Variants in CNN3 observed in about 807,000 individuals in gnomAD.
The protein encoded by CNN3 is calponin-3.
In CNN3, 11 loss-of-function variants were observed where a neutral mutation model predicts 39.0. That is an observed-to-expected ratio of 0.28 (90% confidence interval 0.18 to 0.47). The LOEUF is 0.47. Ranked by LOEUF, CNN3 falls within the 20% of genes least tolerant of loss-of-function variation. The pLI is 0.99. For synonymous variants in CNN3, 101 were observed against 138.3 expected (o/e 0.73, Z 1.89); for missense variants, 266 against 403.4 (o/e 0.66, Z 2.92).
chr1:94,905,443 CTT>C (rs1380004957), intron 1 of CNN3, among the ~76,000 whole-genome samples: 1 of 152,166 alleles, frequency 6.6e-6, no homozygotes, highest in Non-Finnish European at 1.5e-5. Flanking sequence ...TTCAGGGCCT[CTT>C]TTCCCCTCCC....
intron 1 of CNN3, among the ~76,000 whole-genome samples, chr1:94,916,073 G>A (rs1328000058): frequency 6.6e-6 from 1 of 152,052 alleles, no homozygotes; most frequent in Non-Finnish European, 1.5e-5. Context: ...ATTTTTAATT[G>A]AACCTGCTGC....
At position 94,901,772 on chromosome 1, in the gene CNN3, C is replaced by T. The variant is rs1408324088; in HGVS notation, c.398G>A (p.Gly133Glu). ...VALAGLAKTK[G>E]FHTTIDIGVK... ...TCCAATGTCAATGGTTGTATGGAAT[C>T]CTTTTGTTTTAGCCTAGACAGAAAC... The change falls in exon 5 of 7, where the codon GGA becomes GAA. Residue 133 changes from glycine (G) to glutamate (E), a missense_variant. Coordinates refer to ENST00000370206, the MANE Select transcript of CNN3 (RefSeq NM_001839.5). 2 of 1,613,204 alleles carry T rather than the reference C, an allele frequency of 1.2e-6. No homozygotes were observed. Among genetic ancestry groups the T allele is most frequent in the South Asian group, 2.2e-5 (2 of 90,968 alleles).
chr1:94,920,367 T>C (rs1002363717), intron 1 of CNN3, among the ~76,000 whole-genome samples: 6 of 152,158 alleles, frequency 3.9e-5, no homozygotes, highest in Non-Finnish European at 8.8e-5. Flanking sequence ...CTCAGGCAGA[T>C]ACAAACAGAT....
At chr1:94,909,997 T>C (rs1397375880) in intron 1 of CNN3, among the ~76,000 whole-genome samples, 6 of 152,226 alleles carry the variant, frequency 3.9e-5, no homozygotes, top group African/African-American at 1.2e-4. Context: ...GTTTTTCACA[T>C]GGATTCCTTC....
intron 1 of CNN3, among the ~76,000 whole-genome samples, chr1:94,911,831 A>T (rs1201682520): frequency 6.6e-6 from 1 of 152,196 alleles, no homozygotes; most frequent in East Asian, 1.9e-4. Flanking sequence ...GCACTTTGGG[A>T]GGCCGAGGCA....
At chr1:94,925,772 G>T in intron 1 of CNN3, 1 of 985,480 alleles carries the variant, frequency 1.0e-6, no homozygotes, top group Non-Finnish European at 1.2e-6. Flanking sequence ...AGGTTAATGG[G>T]AATTAAACCA....
intron 1 of CNN3, among the ~76,000 whole-genome samples, chr1:94,923,198 C>T (rs1671492545): frequency 6.6e-6 from 1 of 152,150 alleles, no homozygotes; most frequent in Non-Finnish European, 1.5e-5. Context: ...ACTGTGCTTC[C>T]CTTGAGTACC....
At chr1:94,913,917 G>A (rs1671223183) in intron 1 of CNN3, among the ~76,000 whole-genome samples, 1 of 152,138 alleles carries the variant, frequency 6.6e-6, no homozygotes, top group Non-Finnish European at 1.5e-5. Context: ...AAAGCTTGTT[G>A]GAGAACATTC....
At chr1:94,899,600 A>T in intron 5 of CNN3, 83 bp from the exon 6 acceptor site, 1 of 1,450,182 alleles carries the variant, frequency 6.9e-7, no homozygotes, top group Non-Finnish European at 9.4e-7. Context: ...ATGCTACCAA[A>T]AAGACAGAAG....
Position 94,919,658 on chromosome 1 carries a change from C to T in CNN3, c.57+7180G>A, listed in dbSNP as rs187275615. ...GGGAAGAAGCAATGAAGCCATAGCCCGCCCAGTGTGGCCACTCCACAGCTA... is the reference window on the plus strand; with the variant it reads ...GGGAAGAAGCAATGAAGCCATAGCCTGCCCAGTGTGGCCACTCCACAGCTA... On this transcript the variant is annotated intron_variant, in intron 1 of 6. Transcript: ENST00000370206. Among the ~76,000 whole-genome samples, 768 of 152,282 alleles carry T rather than the reference C, an allele frequency of 5.0e-3. 24 individuals are homozygous for T. Among genetic ancestry groups the T allele is most frequent in the Non-Finnish European group, 2.3e-3 (158 of 68,022 alleles).
Position 94,902,042 on chromosome 1 carries a change from C to T in CNN3, c.384+79G>A. ...AGGCCCCGCCCCACCTGGTCTGAACCCCCATGAAAAAGCAATGATGCAATT... is the reference window on the plus strand; with the variant it reads ...AGGCCCCGCCCCACCTGGTCTGAACTCCCATGAAAAAGCAATGATGCAATT... On this transcript the variant is annotated intron_variant, in intron 4 of 6. Coordinates refer to ENST00000370206, the MANE Select transcript of CNN3 (RefSeq NM_001839.5). 3 of 1,275,798 alleles carry T rather than the reference C, an allele frequency of 2.4e-6. No individual in the cohort carries two copies. The Admixed American group carries it at 5.1e-5, about 22-fold the overall frequency. The allele number at this position is 1,275,798 out of a possible 1,614,324, so 79.0% of individuals were successfully genotyped here. A position where few individuals can be genotyped will look rare whatever the true frequency, so the allele number is the denominator to read the frequency against.
In CNN3 at chr1:94,926,546, C is replaced by T. The variant is rs1257396034; in HGVS notation, c.57+292G>A. Among the ~76,000 whole-genome samples the T allele has an allele frequency of 6.6e-6, 1 of 152,148 alleles. No homozygotes were observed. The highest frequency in any genetic ancestry group is 1.9e-4 in the East Asian group (1 of 5,174). ...CAGTCACCAAACGGCCCCCGAGACC[C>T]CCGCAGCCGGAAAGGCTGGCGCCGC... On this transcript the variant is annotated intron_variant, in intron 1 of 6. Transcript: ENST00000370206. This position sits in a 1 kb window ranked among gnomAD's most constrained non-coding sequence, Gnocchi z 4.2.
chr1:94,909,809 C>T (rs910832537), intron 1 of CNN3, among the ~76,000 whole-genome samples: 3 of 151,764 alleles, frequency 2.0e-5, no homozygotes, highest in East Asian at 3.9e-4. Context: ...TCGATTCCTG[C>T]GCTGTTGAAT....
At position 94,901,666 on chromosome 1, in the gene CNN3, T is replaced by C. The variant is rs768922130; in HGVS notation, c.501+3A>G. 11 of 1,601,210 alleles carry C rather than the reference T, an allele frequency of 6.9e-6. No homozygotes were observed. In the East Asian group the frequency reaches 2.2e-4, roughly 32 times the overall value. On this transcript the variant is annotated splice_donor_region_variant and intron_variant, in intron 5 of 6. Transcript: ENST00000370206. ...ATTGAATAAGCAACACCACATTACT[T>C]ACCTGCAGACCAATTACACTTTGGC...
At chr1:94,904,456 A>G (rs1171534980) in intron 1 of CNN3, among the ~76,000 whole-genome samples, 1 of 152,168 alleles carries the variant, frequency 6.6e-6, no homozygotes, top group Non-Finnish European at 1.5e-5. Context: ...AGGGTTATGG[A>G]GAACACAGCT....
chr1:94,925,721 G>C, intron 1 of CNN3: 1 of 985,482 alleles, frequency 1.0e-6, no homozygotes, highest in Non-Finnish European at 1.2e-6. Context: ...ACCAGCGGTC[G>C]GACGGTGCGG....
intron 1 of CNN3, chr1:94,924,038 T>G (rs914233818): frequency 1.3e-5 from 2 of 152,286 alleles, no homozygotes; most frequent in Non-Finnish European, 2.9e-5. Flanking sequence ...GTTTCTATAC[T>G]TCTTTGTTAA....
chr1:94,906,719 T>C (rs901082339), intron 1 of CNN3, among the ~76,000 whole-genome samples: 3 of 152,210 alleles, frequency 2.0e-5, no homozygotes, highest in Non-Finnish European at 2.9e-5. Context: ...AATAAAAAAC[T>C]GAAGAAGTAT....
At chr1:94,901,555 C>A in intron 5 of CNN3, 114 bp downstream of exon 5, 1 of 494,216 alleles carries the variant, frequency 2.0e-6, no homozygotes, top group East Asian at 3.5e-5. Context: ...AAACTACACC[C>A]CCCCCCCAGT....
Sources: gnomAD v4.1 joint callset for allele counts (sites outside exome capture counted in the v4.1 genomes callset) on GRCh38, gnomAD v4.1.1 for gene constraint, Gnocchi (gnomAD v3.1) non-coding constraint, MANE v1.5 for transcripts, NCBI Gene and HGNC (gene_info 2026-07-23, HGNC 2026-07-21) for gene names.